Variants in WWOX observed in about 807,000 individuals in gnomAD.
The protein encoded by WWOX is WW domain containing oxidoreductase.
In WWOX, 69 loss-of-function variants were observed where a neutral mutation model predicts 46.2. That is an observed-to-expected ratio of 1.49 (90% CI 1.23 to 1.82). The LOEUF is 1.82. Ranked by LOEUF, WWOX falls within the 40% of genes most tolerant of loss-of-function variation. The pLI, the probability that WWOX is intolerant of heterozygous loss-of-function variation, is 0.00. For synonymous variants in WWOX, 359 were observed against 202.6 expected, an observed-to-expected ratio of 1.77 and a Z score of -6.56; for missense variants, 919 against 542.6, an observed-to-expected ratio of 1.69 and a Z score of -6.89.
chr16:78,379,934 G>C (rs974175347), intron 5 of WWOX, among the ~76,000 whole-genome samples: 2 of 152,214 alleles, frequency 1.3e-5, no homozygotes, highest in Non-Finnish European at 2.9e-5. Context: ...GAAGGATGGA[G>C]AGGAGAAAAG....
chr16:78,407,830 A>G (rs999049501), intron 6 of WWOX, among the ~76,000 whole-genome samples: 1 of 152,218 alleles, frequency 6.6e-6, no homozygotes, highest in African/African-American at 2.4e-5. Context: ...TTCTTACCAC[A>G]TCTTGAGTCT....
chr16:79,130,570 C>T (rs1034850930), intron 8 of WWOX, among the ~76,000 whole-genome samples: 9 of 152,146 alleles, frequency 5.9e-5, no homozygotes, highest in African/African-American at 1.9e-4. Context: ...GGTAATCTTA[C>T]ATTGCTCAGA....
chr16:78,682,767 TA>T (rs2142238491), intron 8 of WWOX, among the ~76,000 whole-genome samples: 1 of 152,298 alleles, frequency 6.6e-6, no homozygotes, highest in South Asian at 2.1e-4. Flanking sequence ...CCCTTCACGG[TA>T]ATTTGGAGCC....
chr16:78,596,943 G>A (rs1052435598), intron 8 of WWOX, among the ~76,000 whole-genome samples: 6 of 151,990 alleles, frequency 3.9e-5, no homozygotes, highest in Non-Finnish European at 7.4e-5. Flanking sequence ...ATAAACATGC[G>A]GTCTAAACAG....
intron 8 of WWOX, among the ~76,000 whole-genome samples, chr16:78,702,007 T>TTATATATATGTA (rs1555519490): frequency 6.9e-5 from 4 of 57,630 alleles, no homozygotes; most frequent in African/African-American, 2.6e-4. Flanking sequence ...CTACATAAAA[T>TTATATATATGTA]TATATATATA....
intron 5 of WWOX, among the ~76,000 whole-genome samples, chr16:78,328,222 G>A (rs144573123): frequency 3.3e-5 from 5 of 152,032 alleles, no homozygotes; most frequent in South Asian, 2.1e-4. Flanking sequence ...TCAAATTCCC[G>A]AACCTTCAAA....
intron 8 of WWOX, among the ~76,000 whole-genome samples, chr16:78,736,875 C>A (rs770417612): frequency 3.3e-5 from 5 of 152,098 alleles, no homozygotes; most frequent in African/African-American, 1.2e-4. Flanking sequence ...TCCCAAAGTG[C>A]TGGGATTATA....
At chr16:78,838,595 A>G (rs976922938) in intron 8 of WWOX, among the ~76,000 whole-genome samples, 4 of 152,248 alleles carry the variant, frequency 2.6e-5, no homozygotes, top group African/African-American at 7.2e-5. Flanking sequence ...TAATCCCAGC[A>G]CTTTGGGAGG....
intron 8 of WWOX, among the ~76,000 whole-genome samples, chr16:78,791,513 G>T (rs67880293): frequency 0.16 from 24,653 of 152,046 alleles, 2,190 homozygotes; most frequent in Middle Eastern, 0.22. Context: ...CCTTTCTCTT[G>T]TGTTCCCCAG....
intron 3 of WWOX, among the ~76,000 whole-genome samples, chr16:78,111,504 C>T (rs899954276): frequency 3.3e-5 from 5 of 152,158 alleles, no homozygotes; most frequent in African/African-American, 9.7e-5. Flanking sequence ...TGCTTGAGGG[C>T]TCCTTGGTCA....
intron 8 of WWOX, among the ~76,000 whole-genome samples, chr16:79,087,030 C>A (rs1018105144): frequency 1.3e-5 from 2 of 152,180 alleles, no homozygotes; most frequent in African/African-American, 4.8e-5. Flanking sequence ...CTGGGGGTCC[C>A]CATCTGCTCC....
At chr16:78,717,267 T>A (rs1233044490) in intron 8 of WWOX, among the ~76,000 whole-genome samples, 1 of 152,182 alleles carries the variant, frequency 6.6e-6, no homozygotes, top group Non-Finnish European at 1.5e-5. Context: ...AACCATGGAA[T>A]ATAGAGATCC....
chr16:78,477,048 A>G (rs1029199586), intron 8 of WWOX, among the ~76,000 whole-genome samples: 3 of 152,140 alleles, frequency 2.0e-5, no homozygotes, highest in Admixed American at 6.5e-5. Flanking sequence ...ATTTAACACA[A>G]TCTTGAATTA....
chr16:78,136,835 C>T (rs945997117), intron 4 of WWOX, among the ~76,000 whole-genome samples: 3 of 152,238 alleles, frequency 2.0e-5, no homozygotes, highest in East Asian at 1.9e-4. Context: ...GCTGTGTGAG[C>T]TGGTGGGCTT....
At chr16:78,234,695 C>T (rs909840441) in intron 5 of WWOX, among the ~76,000 whole-genome samples, 2 of 152,040 alleles carry the variant, frequency 1.3e-5, no homozygotes, top group Non-Finnish European at 2.9e-5. Context: ...TATGCATTGA[C>T]CACCATTCAC....
intron 5 of WWOX, among the ~76,000 whole-genome samples, chr16:78,380,547 A>G (rs1179447594): frequency 3.3e-5 from 5 of 152,212 alleles, no homozygotes; most frequent in Non-Finnish European, 1.5e-5. Flanking sequence ...CTTTAAGGAT[A>G]GGGCTGAATG....
At chr16:78,656,545 T>C (rs2047085288) in intron 8 of WWOX, among the ~76,000 whole-genome samples, 2 of 152,162 alleles carry the variant, frequency 1.3e-5, no homozygotes, top group African/African-American at 4.8e-5. Flanking sequence ...GAGGAGGTAC[T>C]ACCCACTTTT....
In WWOX at chr16:78,310,659, C is replaced by T. The variant is rs529406333; in HGVS notation, c.517-76201C>T. 2.6e-5 allele frequency among the ~76,000 whole-genome samples: 4 copies of T among 152,338 alleles called. No individual in the cohort carries two copies. In the South Asian group the frequency reaches 8.3e-4, roughly 32 times the overall value. On this transcript the variant is annotated intron_variant, in intron 5 of 8. Coordinates refer to ENST00000566780, the MANE Select transcript of WWOX (RefSeq NM_016373.4). Reference sequence around the variant, plus strand: ...CTTCGTGTCAGCACATTTGGCATCTCTCTGGGATCGGGGATTTATACCCCA... The same window carrying T: ...CTTCGTGTCAGCACATTTGGCATCTTTCTGGGATCGGGGATTTATACCCCA...
intron 8 of WWOX, among the ~76,000 whole-genome samples, chr16:78,566,739 C>G (rs955394767): frequency 6.6e-6 from 1 of 152,166 alleles, no homozygotes; most frequent in South Asian, 2.1e-4. Context: ...CTTCCTCCTC[C>G]TAGAATTCCT....
Sources: allele counts gnomAD v4.1 joint callset (sites outside exome capture counted in the v4.1 genomes callset), GRCh38; gene constraint gnomAD v4.1.1; transcripts MANE v1.5; gene names NCBI Gene and HGNC (gene_info 2026-07-23, HGNC 2026-07-21).